Variants in SIK3 observed in about 807,000 individuals in gnomAD.
The protein encoded by SIK3 is serine/threonine-protein kinase SIK3.
In SIK3, 28 loss-of-function variants were observed where a neutral mutation model predicts 144.2. The observed-to-expected ratio is 0.19, with a 90% confidence interval of 0.14 to 0.27. SIK3 has a LOEUF of 0.27. SIK3 is among the 10% of genes least tolerant of loss of function. SIK3 has a pLI of 1.00. For missense variants in SIK3, 1,319 were observed against 1,776.0 expected (o/e 0.74, Z 4.62); for synonymous variants, 686 against 676.3 (o/e 1.01, Z -0.22).
chr11:117,023,897 T>C (rs1028537153), intron 1 of SIK3, among the ~76,000 whole-genome samples: 1 of 152,084 alleles, frequency 6.6e-6, no homozygotes, highest in African/African-American at 2.4e-5. Flanking sequence ...CAGGCTGGTC[T>C]TGAACTCCTG....
At chr11:117,064,715 G>A (rs527958549) in intron 1 of SIK3, among the ~76,000 whole-genome samples, 1 of 152,168 alleles carries the variant, frequency 6.6e-6, no homozygotes, top group Non-Finnish European at 1.5e-5. Context: ...CAAAGGCAGG[G>A]TAATTAGTAG....
At chr11:117,048,024 C>T (rs1953044760) in intron 1 of SIK3, among the ~76,000 whole-genome samples, 2 of 152,106 alleles carry the variant, frequency 1.3e-5, no homozygotes, top group African/African-American at 2.4e-5. Context: ...TTCTCTCCAT[C>T]TCCCCTACAT....
At chr11:116,966,651 A>G (rs1401273831) in intron 1 of SIK3, among the ~76,000 whole-genome samples, 1 of 151,282 alleles carries the variant, frequency 6.6e-6, no homozygotes, top group Non-Finnish European at 1.5e-5. Flanking sequence ...TTCAACCTAC[A>G]ACTTATAGAA....
chr11:116,856,750 G>A lies in SIK3; in HGVS notation c.3655+1060C>T, dbSNP rs186338047. On this transcript the variant is annotated intron_variant, in intron 21 of 24. Coordinates refer to ENST00000445177, the MANE Select transcript of SIK3 (RefSeq NM_001366686.3). Reference sequence around the variant, plus strand: ...GAGTACAACCTGGCACCACCAAGGCGTTTTCACAGACACCGCTTTACAGCA... The same window carrying A: ...GAGTACAACCTGGCACCACCAAGGCATTTTCACAGACACCGCTTTACAGCA... Among the ~76,000 whole-genome samples, 461 of 152,320 alleles carry A rather than the reference G, an allele frequency of 3.0e-3. 2 individuals are homozygous for A. The highest frequency in any genetic ancestry group is 5.4e-3 in the Non-Finnish European group (369 of 68,038).
Position 116,844,611 on chromosome 11 carries a change from T to TAAAC in SIK3, c.*1031_*1032insGTTT, listed in dbSNP as rs1236769534. The TAAAC allele has an allele frequency of 2.4e-5, 1 of 42,468 alleles. No homozygotes were observed. Among genetic ancestry groups the TAAAC allele is most frequent in the African/African-American group, 1.4e-4 (1 of 7,136 alleles). 2.6% of individuals were successfully genotyped at this position (42,468 alleles called of 1,614,324 possible). The stretch of plus-strand genomic sequence containing the variant: ...ATATATATATTTTATATATATATTA[T>TAAAC]ATATATAATATATATATAATATATT... On this transcript the variant is annotated 3_prime_UTR_variant, in exon 25 of 25. Coordinates refer to ENST00000445177, the MANE Select transcript of SIK3 (RefSeq NM_001366686.3).
At position 117,059,693 on chromosome 11, in the gene SIK3, G is replaced by A. The variant is rs1953709266; in HGVS notation, c.273+38450C>T. 1.3e-5 allele frequency among the ~76,000 whole-genome samples: 2 copies of A among 152,068 alleles called. 1 individual carries two copies. Among genetic ancestry groups the A allele is most frequent in the South Asian group, 4.1e-4 (2 of 4,826 alleles). On this transcript the variant is annotated intron_variant, in intron 1 of 24. Transcript: ENST00000445177. ...AACAAACATCCCAATTTTAAAATGG[G>A]CAAAAGATATGATCAGATACCTCAC...
chr11:116,864,290 G>A (rs1943510610), intron 15 of SIK3: 1 of 152,950 alleles, frequency 6.5e-6, no homozygotes, highest in African/African-American at 2.4e-5. Context: ...TCAAAGGTCT[G>A]GCCTAGAACT....
intron 15 of SIK3, among the ~76,000 whole-genome samples, chr11:116,865,952 T>C (rs990647286): frequency 6.6e-6 from 1 of 152,142 alleles, no homozygotes; most frequent in Non-Finnish European, 1.5e-5. Context: ...AACATCATTT[T>C]CTTCCAATTC....
At chr11:116,873,661 C>A (rs775911931) in intron 12 of SIK3, 25 bp from the exon 13 acceptor site, 2 of 1,527,242 alleles carry the variant, frequency 1.3e-6, no homozygotes, top group Non-Finnish European at 1.8e-6. Flanking sequence ...GTGGGGAGGA[C>A]GGACCATGAG....
At chr11:117,044,826 T>C (rs1183208273) in intron 1 of SIK3, among the ~76,000 whole-genome samples, 1 of 152,124 alleles carries the variant, frequency 6.6e-6, no homozygotes, top group Non-Finnish European at 1.5e-5. Flanking sequence ...GAGGCTGCAG[T>C]GAGCTAGGAT....
In SIK3 at chr11:116,906,454, A is replaced by C. The variant is rs376135736; in HGVS notation, c.617-9137T>G. ...AAAAGGATAAAATATTTTTGAAAGA[A>C]AAAGTAGAGAAAAGGGAAGGATGAG... On this transcript the variant is annotated intron_variant, in intron 4 of 24. Coordinates refer to ENST00000445177, the MANE Select transcript of SIK3 (RefSeq NM_001366686.3). Among the ~76,000 whole-genome samples, 10 of 152,314 alleles carry C rather than the reference A, an allele frequency of 6.6e-5. No homozygotes were observed. The South Asian group carries it at 2.1e-3, about 32-fold the overall frequency.
chr11:116,932,130 A>G (rs1410378368), intron 3 of SIK3, among the ~76,000 whole-genome samples: 1 of 152,092 alleles, frequency 6.6e-6, no homozygotes, highest in Non-Finnish European at 1.5e-5. Context: ...TCAGAATCCA[A>G]CTATTTCTCA....
chr11:116,991,381 AG>A lies in SIK3; in HGVS notation c.274-34318del, dbSNP rs560103340. On this transcript the variant is annotated intron_variant, in intron 1 of 24. Coordinates refer to ENST00000445177, the MANE Select transcript of SIK3 (RefSeq NM_001366686.3). ...AGAATCACTTGAACCCGGGAGGCGA[AG>A]GTTGCAGTGAGTCGAGATCATGCCA... 1.4e-4 allele frequency among the ~76,000 whole-genome samples: 22 copies of A among 152,338 alleles called. No individual in the cohort carries two copies. In the South Asian group the frequency reaches 4.6e-3, roughly 32 times the overall value.
chr11:117,011,099 G>A (rs539101763), intron 1 of SIK3, among the ~76,000 whole-genome samples: 18 of 152,136 alleles, frequency 1.2e-4, no homozygotes, highest in Non-Finnish European at 2.4e-4. Context: ...CAGCCTGGGG[G>A]ACAGCGTGAG....
At chr11:117,026,393 G>A (rs942445545) in intron 1 of SIK3, among the ~76,000 whole-genome samples, 4 of 152,084 alleles carry the variant, frequency 2.6e-5, no homozygotes, top group African/African-American at 4.8e-5. Flanking sequence ...TATCCCCATC[G>A]CTAAGCAGTG....
At chr11:117,091,347 G>A (rs943972522) in intron 1 of SIK3, among the ~76,000 whole-genome samples, 2 of 151,786 alleles carry the variant, frequency 1.3e-5, no homozygotes, top group African/African-American at 4.8e-5. Context: ...TGGGATTACA[G>A]GCATGTACCA....
intron 1 of SIK3, among the ~76,000 whole-genome samples, chr11:117,010,778 A>C (rs1207860345): frequency 6.6e-6 from 1 of 152,232 alleles, no homozygotes; most frequent in Admixed American, 6.5e-5. Context: ...TGTAAATAAC[A>C]TATGTATAAA....
chr11:116,952,495 T>C (rs1948979361), intron 3 of SIK3, among the ~76,000 whole-genome samples: 2 of 152,244 alleles, frequency 1.3e-5, no homozygotes, highest in African/African-American at 2.4e-5. Context: ...AACATGTGCC[T>C]GGAATGTCAG....
intron 1 of SIK3, among the ~76,000 whole-genome samples, chr11:117,047,337 G>A (rs535406496): frequency 7.2e-5 from 11 of 152,146 alleles, no homozygotes; most frequent in Non-Finnish European, 1.6e-4. Flanking sequence ...AATCCTGGAG[G>A]ATTTTATACC....
Sources: allele counts gnomAD v4.1 joint callset (sites outside exome capture counted in the v4.1 genomes callset), GRCh38; gene constraint gnomAD v4.1.1; transcripts MANE v1.5; gene names NCBI Gene and HGNC (gene_info 2026-07-23, HGNC 2026-07-21).